The following SPHKAP variants were observed in gnomAD, a reference collection of about 807,000 sequenced individuals.
SPHKAP encodes the protein A-kinase anchor protein SPHKAP.
Under a neutral mutation model 137.5 loss-of-function variants are expected in SPHKAP, and 67 were observed. That is an observed-to-expected ratio of 0.49 (90% CI 0.40 to 0.60). The LOEUF is 0.60. Ranked by LOEUF, SPHKAP falls within the 20% of genes least tolerant of loss-of-function variation. The pLI, the probability that SPHKAP is intolerant of heterozygous loss-of-function variation, is 0.00. For missense variants in SPHKAP, 2,097 were observed against 2,069.3 expected, an observed-to-expected ratio of 1.01 and a Z score of -0.26; for synonymous variants, 813 against 785.3, an observed-to-expected ratio of 1.04 and a Z score of -0.59.
At chr2:228,176,228 G>T (rs1032601419) in intron 1 of SPHKAP, among the ~76,000 whole-genome samples, 1 of 152,106 alleles carries the variant, frequency 6.6e-6, no homozygotes, top group Admixed American at 6.5e-5. Context: ...ACCTCTGGGG[G>T]AACATTAAAA....
intron 3 of SPHKAP, among the ~76,000 whole-genome samples, chr2:228,090,364 T>C (rs932294701): frequency 6.6e-6 from 1 of 152,236 alleles, no homozygotes; most frequent in East Asian, 1.9e-4. Flanking sequence ...CTCCATTGTA[T>C]CTTGGAAGTA....
intron 3 of SPHKAP, among the ~76,000 whole-genome samples, chr2:228,097,279 A>T (rs905311691): frequency 6.6e-6 from 1 of 152,228 alleles, no homozygotes; most frequent in Non-Finnish European, 1.5e-5. Flanking sequence ...AAAATGAATT[A>T]AAAAATAGTT....
At chr2:228,109,067 T>C in intron 2 of SPHKAP, 128 bp from the exon 3 acceptor site, 1 of 616,816 alleles carries the variant, frequency 1.6e-6, no homozygotes, top group East Asian at 3.2e-5. Flanking sequence ...AGCTTCTGGG[T>C]GTTAGAAAAA....
chr2:228,005,183 G>C (rs1278162324), intron 7 of SPHKAP, among the ~76,000 whole-genome samples: 2 of 152,178 alleles, frequency 1.3e-5, no homozygotes, highest in African/African-American at 4.8e-5. Flanking sequence ...TATTGTATGG[G>C]TGTCTAAGAC....
Position 228,017,603 on chromosome 2 carries a change from T to C in SPHKAP, c.3251A>G (p.Glu1084Gly). The C allele has an allele frequency of 6.2e-7, 1 of 1,613,902 alleles. No individual in the cohort carries two copies. Among genetic ancestry groups the C allele is most frequent in the South Asian group, 1.1e-5 (1 of 91,082 alleles). The change falls in exon 7 of 12, where the codon GAA becomes GGA. Residue 1084 changes from glutamate to glycine, a missense_variant. Glu to Gly is a moderately conservative substitution (Grantham distance 98). Transcript: ENST00000392056. Reference protein sequence around the residue: ...RWSRLKASSCESIPEEDSEAR... With the variant: ...RWSRLKASSCGSIPEEDSEAR... ...CTCGGAGTCTTCCTCAGGAATGCTT[T>C]CGCAGCTGGAGGCCTTCAGCCGGCT...
intron 3 of SPHKAP, among the ~76,000 whole-genome samples, chr2:228,043,000 A>G (rs1035285482): frequency 6.6e-6 from 1 of 152,230 alleles, no homozygotes; most frequent in Non-Finnish European, 1.5e-5. Flanking sequence ...CGCAATAGGT[A>G]TCCAACTACA....
At chr2:228,171,088 T>A (rs1574917446) in intron 1 of SPHKAP, among the ~76,000 whole-genome samples, 1 of 152,282 alleles carries the variant, frequency 6.6e-6, no homozygotes, top group East Asian at 1.9e-4. Flanking sequence ...GACATTATTT[T>A]TTCTTATGGA....
chr2:227,998,803 T>C (rs566202674), intron 7 of SPHKAP, among the ~76,000 whole-genome samples: 1 of 152,282 alleles, frequency 6.6e-6, no homozygotes, highest in East Asian at 1.9e-4. Flanking sequence ...GAAGGACCTC[T>C]CCTCTTGGCC....
chr2:227,996,147 G>C (rs1693634173), intron 7 of SPHKAP: 8 of 984,906 alleles, frequency 8.1e-6, no homozygotes, highest in South Asian at 9.4e-5. Flanking sequence ...CCCGTTTCTG[G>C]TGCTTTTTAC....
At chr2:228,097,385 T>C (rs1346834250) in intron 3 of SPHKAP, among the ~76,000 whole-genome samples, 2 of 152,242 alleles carry the variant, frequency 1.3e-5, no homozygotes, top group African/African-American at 4.8e-5. Flanking sequence ...ACATAAAACA[T>C]TTCATTATAT....
chr2:228,093,859 C>CAAAAAAAAAAAAAAAAAAA (rs11336381), intron 3 of SPHKAP, among the ~76,000 whole-genome samples: 2 of 77,134 alleles, frequency 2.6e-5, no homozygotes, highest in Non-Finnish European at 2.3e-5. Flanking sequence ...GACTCCGTTT[C>CAAAAAAAAAAAAAAAAAAA]AAAAAAAAAA....
chr2:228,001,721 C>A (rs1431075318), intron 7 of SPHKAP, among the ~76,000 whole-genome samples: 2 of 151,790 alleles, frequency 1.3e-5, no homozygotes, highest in South Asian at 4.2e-4. Flanking sequence ...CCTCCCCGCT[C>A]CCCGCAGCCC....
intron 3 of SPHKAP, among the ~76,000 whole-genome samples, chr2:228,033,429 G>A (rs1204087314): frequency 1.3e-5 from 2 of 152,030 alleles, no homozygotes; most frequent in East Asian, 1.9e-4. Context: ...CAATAATAAC[G>A]GGAGAGTTTA....
At chr2:228,001,145 C>G (rs1414456443) in intron 7 of SPHKAP, among the ~76,000 whole-genome samples, 1 of 151,016 alleles carries the variant, frequency 6.6e-6, no homozygotes, top group African/African-American at 2.4e-5. Context: ...TGTTGAACAT[C>G]TTTTTATATG....
At chr2:228,010,204 AGTT>A (rs1057064086) in intron 7 of SPHKAP, among the ~76,000 whole-genome samples, 13 of 152,278 alleles carry the variant, frequency 8.5e-5, no homozygotes, top group African/African-American at 2.9e-4. Flanking sequence ...GTATGAAATC[AGTT>A]GTTTAATTCT....
At chr2:228,134,148 A>AAG (rs386392840) in intron 1 of SPHKAP, among the ~76,000 whole-genome samples, 4 of 147,588 alleles carry the variant, frequency 2.7e-5, no homozygotes, top group African/African-American at 7.5e-5. Flanking sequence ...AAGAGAAAGA[A>AAG]AGAGGAAGAA....
chr2:228,104,318 A>G (rs1293899446), intron 3 of SPHKAP, among the ~76,000 whole-genome samples: 1 of 145,734 alleles, frequency 6.9e-6, no homozygotes. Flanking sequence ...TATTAATAAT[A>G]TAATATTAAA....
At chr2:228,047,946 A>G (rs1364926470) in intron 3 of SPHKAP, among the ~76,000 whole-genome samples, 1 of 152,184 alleles carries the variant, frequency 6.6e-6, no homozygotes, top group Non-Finnish European at 1.5e-5. Flanking sequence ...TTCAACGTGG[A>G]AAGGAGAGTA....
chr2:228,028,111 G>A, intron 3 of SPHKAP: 1 of 944,000 alleles, frequency 1.1e-6, no homozygotes, highest in South Asian at 4.9e-5. Context: ...AAGTCTGCTT[G>A]TATTAGAGCC....
Sources: gnomAD v4.1 joint callset for allele counts (sites outside exome capture counted in the v4.1 genomes callset) on GRCh38, gnomAD v4.1.1 for gene constraint, MANE v1.5 for transcripts, NCBI Gene and HGNC (gene_info 2026-07-23, HGNC 2026-07-21) for gene names.